Variants in FRYL observed in about 807,000 individuals in gnomAD.
FRYL encodes protein furry homolog-like.
Under a neutral mutation model 351.2 loss-of-function variants are expected in FRYL, and 150 were observed. The observed-to-expected ratio is 0.43, with a 90% CI of 0.37 to 0.49. The LOEUF (loss-of-function observed/expected upper bound fraction) is 0.49, where lower values mean the gene tolerates loss of function less well. Among genes scored for constraint, FRYL ranks in the 20% least tolerant of loss-of-function variants. The pLI is 0.00. For missense variants in FRYL, 3,036 were observed against 3,619.3 expected (o/e 0.84, Z 4.13); for synonymous variants, 1,153 against 1,257.1 (o/e 0.92, Z 1.75).
At chr4:48,678,507 CAAAAAA>C (rs10639089) in intron 3 of FRYL, among the ~76,000 whole-genome samples, 21 of 71,770 alleles carry the variant, frequency 2.9e-4, no homozygotes, top group African/African-American at 4.2e-4. Flanking sequence ...AACTCCATCT[CAAAAAA>C]AAAAAAAAAA....
chr4:48,603,312 C>T lies in FRYL; in HGVS notation c.911G>A (p.Ser304Asn). The T allele has an allele frequency of 6.2e-7, 1 of 1,609,662 alleles. No individual in the cohort carries two copies. The highest frequency in any genetic ancestry group is 8.5e-7 in the Non-Finnish European group (1 of 1,177,708). The change falls in exon 12 of 64, where the codon AGC (serine) becomes AAC (asparagine). Residue 304 changes from serine to asparagine, a missense_variant. Ser to Asn is a conservative substitution (Grantham distance 46, BLOSUM62 1). Transcript: ENST00000358350. ...TACCAATGAATGCTTCTTTCTCGAG[C>T]TCAGTTCAAAAGTAGTCTGATAAAG... ...EMLYQTTFELSSRKKHSLALY... is the reference protein window; with the variant it reads ...EMLYQTTFELNSRKKHSLALY...
At chr4:48,558,089 A>C (rs756322013) in intron 33 of FRYL, among the ~76,000 whole-genome samples, 80 of 152,338 alleles carry the variant, frequency 5.3e-4, no homozygotes, top group Non-Finnish European at 1.1e-3. Flanking sequence ...TGAAAGCAGA[A>C]ACTCAAACAA....
intron 3 of FRYL, among the ~76,000 whole-genome samples, chr4:48,662,421 AT>A (rs776749210): frequency 1.2e-4 from 19 of 152,176 alleles, no homozygotes; most frequent in Non-Finnish European, 2.5e-4. Context: ...TCTAAAAAAA[AT>A]AACAATAACA....
chr4:48,683,851 A>T (rs1019500392), intron 3 of FRYL, among the ~76,000 whole-genome samples: 2 of 152,172 alleles, frequency 1.3e-5, no homozygotes, highest in African/African-American at 4.8e-5. Flanking sequence ...CCTAAAACTC[A>T]TTCCTTTCTC....
At chr4:48,586,529 G>A (rs1373739740) in intron 19 of FRYL, 92 bp downstream of exon 19, 17 of 790,378 alleles carry the variant, frequency 2.2e-5, no homozygotes, top group Admixed American at 1.9e-4. Flanking sequence ...CTTTAACATC[G>A]CCTTTTTAGT....
chr4:48,528,408 T>C (rs556046514), intron 50 of FRYL, 72 bp from the exon 51 acceptor site: 223 of 1,143,980 alleles, frequency 1.9e-4, no homozygotes, highest in South Asian at 8.1e-4. Context: ...GGGTTAACAG[T>C]GCACCTATAA....
At chr4:48,544,057 TAATCAGAA>T (rs1280820619) in intron 43 of FRYL, 60 bp from the exon 44 acceptor site, 37 of 1,404,694 alleles carry the variant, frequency 2.6e-5, no homozygotes, top group Non-Finnish European at 3.7e-5. Flanking sequence ...AATGGGGTTA[TAATCAGAA>T]GTGAATCATC....
chr4:48,778,861 T>A (rs1297668556), intron 1 of FRYL, among the ~76,000 whole-genome samples: 3 of 151,892 alleles, frequency 2.0e-5, no homozygotes, highest in Non-Finnish European at 4.4e-5. Flanking sequence ...CCTGGCAACC[T>A]GTCTTGCTGT....
intron 4 of FRYL, among the ~76,000 whole-genome samples, chr4:48,624,355 G>GC (rs1751346732): frequency 6.6e-6 from 1 of 152,046 alleles, no homozygotes; most frequent in Admixed American, 6.6e-5. Flanking sequence ...ACTGTGGAAA[G>GC]CTAAGACCCT....
chr4:48,700,526 G>C (rs1201490442), intron 2 of FRYL, among the ~76,000 whole-genome samples: 1 of 152,158 alleles, frequency 6.6e-6, no homozygotes, highest in Non-Finnish European at 1.5e-5. Context: ...CTTTCAGCTA[G>C]ACACAGTGGT....
chr4:48,644,231 C>G (rs148576447), intron 3 of FRYL, among the ~76,000 whole-genome samples: 1 of 152,186 alleles, frequency 6.6e-6, no homozygotes, highest in South Asian at 2.1e-4. Context: ...CATGAGCCAC[C>G]GCGCCTGGCC....
chr4:48,775,902 C>T (rs972535501), intron 1 of FRYL, among the ~76,000 whole-genome samples: 1 of 152,032 alleles, frequency 6.6e-6, no homozygotes, highest in African/African-American at 2.4e-5. Flanking sequence ...CCAGAATTGC[C>T]AGAATTACTA....
Position 48,557,012 on chromosome 4 carries a change from C to A in FRYL, c.4232G>T (p.Cys1411Phe). 6.2e-7 allele frequency: 1 copy of A among 1,607,164 alleles called. No individual in the cohort carries two copies. Residue 1411 changes from cysteine to phenylalanine, a missense_variant, in exon 35 of 64, where the codon TGT becomes TTT. Around this residue, in one of 7 missense-constraint regions of FRYL, gnomAD observed 1,987 missense variants for 2,311.7 expected, o/e 0.86. Coordinates refer to ENST00000358350, the MANE Select transcript of FRYL (RefSeq NM_015030.2). ...GAGGCTTGGTTCGCTATTCACCCCACAAATGCTGATCAAAAAGTGCAAAAT... is the reference window on the plus strand; with the variant it reads ...GAGGCTTGGTTCGCTATTCACCCCAAAAATGCTGATCAAAAAGTGCAAAAT... ...KIILHFLISI[C>F]GVNSEPSLLP...
chr4:48,603,863 C>T (rs559316135), intron 11 of FRYL, among the ~76,000 whole-genome samples: 3 of 152,298 alleles, frequency 2.0e-5, no homozygotes, highest in Non-Finnish European at 2.9e-5. Flanking sequence ...AGGATGTCTA[C>T]GCTGGGGCCT....
rs1767161063 is a variant in FRYL, at chr4:48,704,994, A to ACCTGTCATC, written c.-204+5516_-204+5524dup. 2.0e-5 allele frequency among the ~76,000 whole-genome samples: 3 copies of ACCTGTCATC among 150,542 alleles called. No individual in the cohort carries two copies. In the East Asian group the frequency reaches 5.8e-4, roughly 29 times the overall value. ...AAATTAGCCAGGCATGGTAGCGCAC[A>ACCTGTCATC]CCTGTCATCCCAGCTACTCGGGTGG... On this transcript the variant is annotated intron_variant, in intron 2 of 63. Coordinates refer to ENST00000358350, the MANE Select transcript of FRYL (RefSeq NM_015030.2).
At chr4:48,553,661 A>AAC (rs1553928122) in intron 35 of FRYL, among the ~76,000 whole-genome samples, 6 of 147,050 alleles carry the variant, frequency 4.1e-5, no homozygotes, top group African/African-American at 1.2e-4. Context: ...TTAAAAAAAA[A>AAC]AAAAAAAAAA....
intron 2 of FRYL, among the ~76,000 whole-genome samples, chr4:48,686,645 A>G (rs886085805): frequency 9.8e-5 from 15 of 152,360 alleles, no homozygotes; most frequent in African/African-American, 3.4e-4. Flanking sequence ...ACTACTGGAA[A>G]ACAATGCAGT....
chr4:48,684,170 G>T (rs1019552189), intron 3 of FRYL, among the ~76,000 whole-genome samples: 1 of 152,112 alleles, frequency 6.6e-6, no homozygotes, highest in African/African-American at 2.4e-5. Context: ...ACAAATATTT[G>T]TTGAATAGCT....
chr4:48,545,923 A>G, intron 42 of FRYL, 144 bp downstream of exon 42: 3 of 717,920 alleles, frequency 4.2e-6, no homozygotes, highest in Admixed American at 5.7e-5. Context: ...TTGCATCCTA[A>G]TTTTCAAAAT....
Sources: gnomAD v4.1 joint callset for allele counts (sites outside exome capture counted in the v4.1 genomes callset) on GRCh38, gnomAD v4.1.1 for gene constraint, gnomAD v4.1.1 regional missense constraint, MANE v1.5 for transcripts, NCBI Gene and HGNC (gene_info 2026-07-23, HGNC 2026-07-21) for gene names.